Variants in RGS22 observed in about 807,000 individuals in gnomAD.
RGS22 encodes regulator of G-protein signaling 22.
In RGS22, 148 loss-of-function variants were observed where a neutral mutation model predicts 172.9. The ratio of observed to expected loss-of-function variants is 0.86; its 90% CI spans 0.75 to 0.98. The LOEUF is 0.98. RGS22 is among the 50% of genes least tolerant of loss of function. The pLI, the probability that RGS22 is intolerant of heterozygous loss-of-function variation, is 0.00. For synonymous variants in RGS22, 458 were observed against 480.2 expected, an observed-to-expected ratio of 0.95 and a Z score of 0.60; for missense variants, 1,347 against 1,440.8, an observed-to-expected ratio of 0.93 and a Z score of 1.05.
Position 99,962,728 on chromosome 8 carries a change from G to C in RGS22, c.3749C>G (p.Thr1250Ser). ...PLTNFKASSS[T>S]MSLKKNMSAH... ...AGACATATTCTTTTTCAAAGACATAGTTGAAGAGCTAGCCTTAAAATTTGT... is the reference window on the plus strand; with the variant it reads ...AGACATATTCTTTTTCAAAGACATACTTGAAGAGCTAGCCTTAAAATTTGT... Residue 1250 changes from threonine (T) to serine (S), a missense_variant, in exon 26 of 28, where the codon ACT (threonine) becomes AGT (serine). Physicochemically the swap from Thr to Ser is moderately conservative, Grantham distance 58. Transcript: ENST00000360863. 2 of 1,612,350 alleles carry C rather than the reference G, an allele frequency of 1.2e-6. No individual in the cohort carries two copies. Among genetic ancestry groups the C allele is most frequent in the Non-Finnish European group, 1.7e-6 (2 of 1,179,550 alleles).
At chr8:99,974,727 G>C (rs1039132170) in intron 23 of RGS22, among the ~76,000 whole-genome samples, 1 of 151,742 alleles carries the variant, frequency 6.6e-6, no homozygotes, top group Non-Finnish European at 1.5e-5. Flanking sequence ...GAACCTGAGA[G>C]GCAGAGGTTG....
At position 100,080,263 on chromosome 8, in the gene RGS22, T is replaced by C; in HGVS notation, c.210A>G (p.Lys70=). The change falls in exon 4 of 28, where the codon AAA becomes AAG. Residue 70 remains lysine (K), a synonymous_variant. Coordinates refer to ENST00000360863, the MANE Select transcript of RGS22 (RefSeq NM_015668.5). ...TTCGAGGTTGCTGGTTTTGTAGAAT[T>C]TTTTTCAGTTGTTTTTCCAGAAATT... ...APQFLEKQLK[K]ILQNQQPRNP... is the part of the protein sequence containing the mutation. The C allele has an allele frequency of 1.2e-6, 2 of 1,613,960 alleles. No homozygotes were observed. The highest frequency in any genetic ancestry group is 1.1e-5 in the South Asian group (1 of 91,072).
At position 99,987,539 on chromosome 8, in the gene RGS22, T is replaced by A; in HGVS notation, c.3099A>T (p.Arg1033Ser). 1 of 1,612,082 alleles carries A rather than the reference T, an allele frequency of 6.2e-7. No individual in the cohort carries two copies. The highest frequency in any genetic ancestry group is 8.5e-7 in the Non-Finnish European group (1 of 1,178,988). ...RKALLNPVTSRQFQRFVALKG... is the reference protein window; with the variant it reads ...RKALLNPVTSSQFQRFVALKG... ...TTAGAGCCACAAAACGTTGAAATTG[T>A]CTTGAAGTAACTGGATTCAATAATG... The change falls in exon 21 of 28, where the codon AGA becomes AGT. Residue 1033 changes from arginine to serine, a missense_variant. By Grantham distance (110) the Arg-to-Ser change is moderately radical. Coordinates refer to ENST00000360863, the MANE Select transcript of RGS22 (RefSeq NM_015668.5).
intron 14 of RGS22, among the ~76,000 whole-genome samples, chr8:100,018,996 A>AT (rs1362834148): frequency 6.6e-6 from 1 of 151,916 alleles, no homozygotes; most frequent in African/African-American, 2.4e-5. Flanking sequence ...AAGCAAAAAA[A>AT]AAAAAATGGA....
intron 6 of RGS22, among the ~76,000 whole-genome samples, chr8:100,068,028 A>G (rs1810664653): frequency 6.6e-6 from 1 of 152,206 alleles, no homozygotes; most frequent in East Asian, 1.9e-4. Flanking sequence ...TAATCATGAC[A>G]TAAATAATGT....
At chr8:100,026,909 C>CG (rs1840239724) in intron 14 of RGS22, among the ~76,000 whole-genome samples, 1 of 152,086 alleles carries the variant, frequency 6.6e-6, no homozygotes, top group South Asian at 2.1e-4. Flanking sequence ...GCCAGTAAAG[C>CG]GAGAAATTAT....
chr8:99,994,896 T>C (rs1814185335), intron 20 of RGS22, among the ~76,000 whole-genome samples: 1 of 152,216 alleles, frequency 6.6e-6, no homozygotes, highest in East Asian at 1.9e-4. Flanking sequence ...CAAAACAGCA[T>C]GGTACTGGTA....
intron 14 of RGS22, among the ~76,000 whole-genome samples, chr8:100,022,565 T>C (rs1228350560): frequency 6.6e-6 from 1 of 152,096 alleles, no homozygotes; most frequent in Non-Finnish European, 1.5e-5. Context: ...ACTATGCAGT[T>C]TAAGGCAATC....
intron 14 of RGS22, among the ~76,000 whole-genome samples, chr8:100,020,153 G>C (rs975173975): frequency 2.6e-5 from 4 of 152,046 alleles, no homozygotes; most frequent in African/African-American, 9.7e-5. Context: ...CAAAGTGCTG[G>C]GATTACAGGT....
In RGS22 at chr8:100,006,151, C is replaced by T. The variant is rs760838214; in HGVS notation, c.2362-42G>A. On this transcript the variant is annotated intron_variant, in intron 15 of 27. Transcript: ENST00000360863. ...AAGCTTGTGACATCAAGAGAATGTA[C>T]AATTTGCTAGTAACAGTGGGCTGAA... is the stretch of plus-strand genomic sequence containing the variant. The T allele has an allele frequency of 2.0e-6, 3 of 1,517,922 alleles. No homozygotes were observed. The East Asian group carries it at 6.8e-5, about 34-fold the overall frequency. 94.0% of individuals were successfully genotyped at this position (1,517,922 alleles called of 1,614,324 possible).
At chr8:100,021,778 G>C (rs1447905946) in intron 14 of RGS22, among the ~76,000 whole-genome samples, 2 of 149,060 alleles carry the variant, frequency 1.3e-5, no homozygotes, top group African/African-American at 4.9e-5. Context: ...AGAAGCTAAG[G>C]GTGAAAAAAA....
At chr8:100,079,987 T>C in intron 4 of RGS22, 147 bp downstream of exon 4, 1 of 572,716 alleles carries the variant, frequency 1.7e-6, no homozygotes, top group Non-Finnish European at 3.0e-6. Context: ...CCATTGGATT[T>C]GAAAAGTGCT....
At chr8:100,097,185 C>T (rs1356029078) in intron 2 of RGS22, among the ~76,000 whole-genome samples, 1 of 152,144 alleles carries the variant, frequency 6.6e-6, no homozygotes, top group Non-Finnish European at 1.5e-5. Flanking sequence ...TGACAAGGAG[C>T]TTGAAGAACT....
In RGS22 at chr8:99,991,481, A is replaced by G. The variant is rs569778995; in HGVS notation, c.3019-3862T>C. Among the ~76,000 whole-genome samples the G allele has an allele frequency of 2.4e-4, 36 of 152,350 alleles. No individual in the cohort carries two copies. In the South Asian group the frequency reaches 6.8e-3, roughly 29 times the overall value. On this transcript the variant is annotated intron_variant, in intron 20 of 27. Coordinates refer to ENST00000360863, the MANE Select transcript of RGS22 (RefSeq NM_015668.5). ...ACTTCGCGACGCATGCACAAGCTTC[A>G]ATAGCCAATTCGATCAAATGGAAGA...
intron 8 of RGS22, 73 bp downstream of exon 8, chr8:100,063,343 C>T: frequency 9.1e-7 from 1 of 1,099,274 alleles, no homozygotes. Flanking sequence ...GGCTTTCTCC[C>T]TGTGCTAAAT....
At chr8:100,066,789 C>T (rs528753087) in intron 6 of RGS22, among the ~76,000 whole-genome samples, 6 of 152,334 alleles carry the variant, frequency 3.9e-5, no homozygotes, top group Admixed American at 2.6e-4. Flanking sequence ...CCTCTCCAAA[C>T]TCAGCTGCCC....
intron 11 of RGS22, among the ~76,000 whole-genome samples, chr8:100,043,786 A>G (rs1351249537): frequency 6.6e-6 from 1 of 151,986 alleles, no homozygotes; most frequent in Admixed American, 6.6e-5. Flanking sequence ...AAAAAACAAA[A>G]AACAAAACAA....
rs1812741324 is a variant in RGS22 at position 100,093,494 on chromosome 8, T to C, written c.70A>G (p.Thr24Ala). ...TEEEFEDSLATDDFLVDYFNE... is the reference protein window; with the variant it reads ...TEEEFEDSLAADDFLVDYFNE... ...AAGTAGTCTACAAGGAAATCATCTG[T>C]TGCCAGAGAATCTTCCTGCAAAAAA... Residue 24 changes from threonine (T) to alanine (A), a missense_variant, in exon 3 of 28, where the codon ACA becomes GCA. Physicochemically the swap from Thr to Ala is moderately conservative, Grantham distance 58 (BLOSUM62 0). Coordinates refer to ENST00000360863, the MANE Select transcript of RGS22 (RefSeq NM_015668.5). The C allele has an allele frequency of 6.3e-7, 1 of 1,596,876 alleles. No homozygotes were observed. The highest frequency in any genetic ancestry group is 2.2e-5 in the East Asian group (1 of 44,634).
chr8:100,070,027 C>CAAAA (rs777398611), intron 6 of RGS22, among the ~76,000 whole-genome samples: 34 of 39,688 alleles, frequency 8.6e-4, no homozygotes, highest in African/African-American at 9.1e-4. Context: ...GACTCTGTCT[C>CAAAA]AAAAAAAAAA....
Sources: allele counts gnomAD v4.1 joint callset (sites outside exome capture counted in the v4.1 genomes callset), GRCh38; gene constraint gnomAD v4.1.1; transcripts MANE v1.5; gene names NCBI Gene and HGNC (gene_info 2026-07-23, HGNC 2026-07-21).